The following GABRA3 variants were observed in gnomAD, a reference collection of about 807,000 sequenced individuals.
The protein encoded by GABRA3 is gamma-aminobutyric acid receptor subunit alpha-3.
A neutral mutation model predicts 30.1 loss-of-function variants in GABRA3; 10 were observed. The ratio of observed to expected loss-of-function variants is 0.33; its 90% CI spans 0.20 to 0.56. The LOEUF (loss-of-function observed/expected upper bound fraction) is 0.56. Ranked by LOEUF, GABRA3 falls within the 20% of genes least tolerant of loss-of-function variation. GABRA3 has a pLI of 0.89. For synonymous variants in GABRA3, 151 were observed against 146.8 expected (o/e 1.03, Z -0.21); for missense variants, 233 against 392.0 (o/e 0.59, Z 3.42).
chrX:152,382,323 G>A (rs1173848940), intron 1 of GABRA3, among the ~76,000 whole-genome samples: 2 of 112,090 alleles, frequency 1.8e-5, no homozygotes, highest in Non-Finnish European at 3.8e-5. Flanking sequence ...GCTTTTACAC[G>A]GTTTGTGGGA....
At position 152,212,323 on chromosome X, in the gene GABRA3, AAAAAAAAAT is replaced by A. The variant is rs1196239003; in HGVS notation, c.635-4188_635-4180del. Among the ~76,000 whole-genome samples the A allele has an allele frequency of 3.3e-3, 236 of 70,932 alleles. 27 individuals carry two copies. The highest frequency in any genetic ancestry group is 6.3e-3 in the East Asian group (12 of 1,902). The allele number at this position is 70,932 out of a possible 115,157, so 61.6% of individuals were successfully genotyped here. A position where few individuals can be genotyped will look rare whatever the true frequency, so the allele number is the denominator to read the frequency against. On this transcript the variant is annotated intron_variant, in intron 6 of 9. Transcript: ENST00000370314. ...AAAAAAAAAAAAAAAAAAAAAAAAA[AAAAAAAAAT>A]TCCAAATTGCCTACCCTAAGAACTA...
chrX:152,391,046 T>C (rs1277700576), intron 1 of GABRA3, among the ~76,000 whole-genome samples: 2 of 111,554 alleles, frequency 1.8e-5, no homozygotes, highest in Non-Finnish European at 3.8e-5. Flanking sequence ...ATATAGTCCA[T>C]TGCCAGACAT....
At chrX:152,421,639 A>G (rs192927086) in intron 1 of GABRA3, among the ~76,000 whole-genome samples, 123 of 111,904 alleles carry the variant, frequency 1.1e-3, no homozygotes, top group African/African-American at 3.8e-3. Flanking sequence ...CATGCAATAC[A>G]TATATTTGAC....
chrX:152,208,195 T>A (rs1280698530), intron 6 of GABRA3, 51 bp from the exon 7 acceptor site: 2 of 1,139,428 alleles, frequency 1.8e-6, no homozygotes, highest in Non-Finnish European at 2.4e-6. Context: ...TGGAGAATGA[T>A]TACCCTTGAT....
intron 1 of GABRA3, among the ~76,000 whole-genome samples, chrX:152,389,657 T>C (rs1246161893): frequency 2.7e-5 from 3 of 111,596 alleles, no homozygotes; most frequent in Non-Finnish European, 3.8e-5. Flanking sequence ...AAGGAGATCA[T>C]GAATACCATA....
At chrX:152,330,302 G>A (rs773759770) in intron 3 of GABRA3, among the ~76,000 whole-genome samples, 3 of 111,882 alleles carry the variant, frequency 2.7e-5, no homozygotes, top group South Asian at 3.8e-4. Context: ...AATTCCTCAA[G>A]GATCTAGAAC....
At chrX:152,371,850 CAGCCAAA>C in intron 1 of GABRA3, among the ~76,000 whole-genome samples, 1 of 111,667 alleles carries the variant, frequency 9.0e-6, no homozygotes, top group East Asian at 2.8e-4. Flanking sequence ...GTGAACAAAA[CAGCCAAA>C]AAGTGAATCA....
chrX:152,338,102 C>T (rs1456982733), intron 3 of GABRA3, among the ~76,000 whole-genome samples: 6 of 111,527 alleles, frequency 5.4e-5, no homozygotes, highest in Admixed American at 1.9e-4. Context: ...TCTGAATAAT[C>T]GCCACCCTGT....
intron 3 of GABRA3, among the ~76,000 whole-genome samples, chrX:152,302,136 T>C (rs1268632459): frequency 9.0e-6 from 1 of 110,563 alleles, no homozygotes; most frequent in East Asian, 2.8e-4. Context: ...AAAAGATAAA[T>C]ATAAGGATGT....
intron 9 of GABRA3, among the ~76,000 whole-genome samples, chrX:152,181,456 G>C (rs780215013): frequency 9.1e-6 from 1 of 109,531 alleles, no homozygotes; most frequent in African/African-American, 3.3e-5. Flanking sequence ...CTTTTTTGTA[G>C]GGTCTTTAGG....
chrX:152,375,120 A>G (rs1260556570), intron 1 of GABRA3, among the ~76,000 whole-genome samples: 1 of 111,922 alleles, frequency 8.9e-6, no homozygotes, highest in Non-Finnish European at 1.9e-5. Context: ...TCACAGAATC[A>G]GAAAAAACTA....
chrX:152,397,623 G>T (rs1929692903), intron 1 of GABRA3, among the ~76,000 whole-genome samples: 1 of 111,583 alleles, frequency 9.0e-6, no homozygotes, highest in South Asian at 3.7e-4. Flanking sequence ...GCAATATTGA[G>T]AAAAAATCTT....
chrX:152,193,440 G>A (rs976650803), intron 8 of GABRA3, among the ~76,000 whole-genome samples: 1 of 111,621 alleles, frequency 9.0e-6, no homozygotes, highest in African/African-American at 3.3e-5. Flanking sequence ...ACCCAGTAAT[G>A]GGTATCTGGA....
intron 1 of GABRA3, among the ~76,000 whole-genome samples, chrX:152,389,742 C>T (rs956638310): frequency 1.8e-5 from 2 of 111,263 alleles, no homozygotes; most frequent in African/African-American, 6.5e-5. Context: ...TAGAAGGAGA[C>T]AACACTGATG....
intron 2 of GABRA3, among the ~76,000 whole-genome samples, chrX:152,348,534 A>G (rs1183270806): frequency 9.0e-6 from 1 of 111,691 alleles, no homozygotes; most frequent in East Asian, 2.8e-4. Flanking sequence ...CTAAAGATGG[A>G]TCAGTGGTAA....
At chrX:152,393,659 A>G (rs1034179330) in intron 1 of GABRA3, 1 of 230,552 alleles carries the variant, frequency 4.3e-6, no homozygotes, top group African/African-American at 3.0e-5. Context: ...ATGATGCTGG[A>G]GGAGATATCA....
chrX:152,400,001 A>G (rs1929754047), intron 1 of GABRA3, among the ~76,000 whole-genome samples: 1 of 111,529 alleles, frequency 9.0e-6, no homozygotes, highest in African/African-American at 3.3e-5. Flanking sequence ...AATGGACAAC[A>G]TACAGTGGGG....
chrX:152,298,267 C>A (rs750657490), intron 3 of GABRA3, among the ~76,000 whole-genome samples: 7 of 111,036 alleles, frequency 6.3e-5, no homozygotes, highest in Non-Finnish European at 1.3e-4. Context: ...GGTACATGTG[C>A]ACAACGTGCA....
rs755405064 is a variant in GABRA3, at chrX:152,291,977, CT to C, written c.263-7243del. Among the ~76,000 whole-genome samples, 121 of 111,089 alleles carry C rather than the reference CT, an allele frequency of 1.1e-3. 1 individual carries two copies. The highest frequency in any genetic ancestry group is 4.7e-3 in the Middle Eastern group (1 of 215). On this transcript the variant is annotated intron_variant, in intron 3 of 9. Transcript: ENST00000370314. ...ATCAGGGATATTGGTTTAAAATTCT[CT>C]TTTTTTTGTTGTGTCTCTGCCAGGC...
Sources: gnomAD v4.1 joint callset for allele counts (sites outside exome capture counted in the v4.1 genomes callset) on GRCh38, gnomAD v4.1.1 for gene constraint, MANE v1.5 for transcripts, NCBI Gene and HGNC (gene_info 2026-07-23, HGNC 2026-07-21) for gene names.